B3GLCT: variants seen among roughly 807,000 people sequenced by gnomAD.
The protein encoded by B3GLCT is beta 3-glucosyltransferase.
A neutral mutation model predicts 63.4 loss-of-function variants in B3GLCT; 65 were observed. The observed-to-expected ratio is 1.03, with a 90% CI of 0.84 to 1.26. B3GLCT has a LOEUF of 1.26. B3GLCT is among the 50% of genes most tolerant of loss of function. The pLI is 0.00. For missense variants in B3GLCT, 577 were observed against 604.8 expected, an observed-to-expected ratio of 0.95 and a Z score of 0.48; for synonymous variants, 233 against 219.2, an observed-to-expected ratio of 1.06 and a Z score of -0.55.
rs1002142694 is a variant in B3GLCT at position 31,247,144 on chromosome 13, G to C, written c.347+45G>C. 7 of 1,448,392 alleles carry C rather than the reference G, an allele frequency of 4.8e-6. No individual in the cohort carries two copies. In the African/African-American group the frequency reaches 8.4e-5, roughly 17 times the overall value. 89.7% of individuals were successfully genotyped at this position (1,448,392 alleles called of 1,614,324 possible). ...CTGTGAATTACTGACATTCCTACCT[G>C]AACACTTTTACGCCCTTAGTCTTTT... On this transcript the variant is annotated intron_variant, in intron 5 of 14. Transcript: ENST00000343307.
At chr13:31,287,020 C>A (rs1215136073) in intron 12 of B3GLCT, among the ~76,000 whole-genome samples, 1 of 152,058 alleles carries the variant, frequency 6.6e-6, no homozygotes, top group Non-Finnish European at 1.5e-5. Flanking sequence ...GGAAAATGAT[C>A]CAAAAGAAAC....
Position 31,284,754 on chromosome 13 carries a change from A to T in B3GLCT, c.957A>T (p.Thr319=), listed in dbSNP as rs1873238497. Residue 319 remains threonine (T), a synonymous_variant, in exon 11 of 15, where the codon ACA becomes ACT. Coordinates refer to ENST00000343307, the MANE Select transcript of B3GLCT (RefSeq NM_194318.4). ...CTGTGGATTTGGGAATTCCTAATACAGATAGAGGTGAGTCATAATTCTTAC... is the reference window on the plus strand; with the variant it reads ...CTGTGGATTTGGGAATTCCTAATACTGATAGAGGTGAGTCATAATTCTTAC... ...IPTVDLGIPN[T]DRGHCGKTFA... The T allele has an allele frequency of 2.7e-6, 4 of 1,505,662 alleles. No individual in the cohort carries two copies. Among genetic ancestry groups the T allele is most frequent in the Non-Finnish European group, 3.7e-6 (4 of 1,081,230 alleles). 93.3% of individuals were successfully genotyped at this position (1,505,662 alleles called of 1,614,324 possible).
Position 31,214,448 on chromosome 13 carries a change from C to T in B3GLCT, c.71-603C>T, listed in dbSNP as rs118044525. Among the ~76,000 whole-genome samples, 403 of 152,322 alleles carry T rather than the reference C, an allele frequency of 2.6e-3. 1 individual carries two copies. The highest frequency in any genetic ancestry group is 3.6e-3 in the Non-Finnish European group (248 of 68,036). ...CGTCTGTGATGGCTCTGACTCCAAACATTCATTCATTCTAAATGGAGAATG... is the reference window on the plus strand; with the variant it reads ...CGTCTGTGATGGCTCTGACTCCAAATATTCATTCATTCTAAATGGAGAATG... On this transcript the variant is annotated intron_variant, in intron 1 of 14. Transcript: ENST00000343307.
At position 31,263,600 on chromosome 13, in the gene B3GLCT, G is replaced by A. The variant is rs562384871; in HGVS notation, c.596+2518G>A. ...TGCTCACCACATGACTAGCTTCCAG[G>A]GGTTCATGAACCAGGGTTGCAGGTT... On this transcript the variant is annotated intron_variant, in intron 7 of 14. Transcript: ENST00000343307. 1.4e-4 allele frequency among the ~76,000 whole-genome samples: 21 copies of A among 152,260 alleles called. 1 individual carries two copies. Among genetic ancestry groups the A allele is most frequent in the Middle Eastern group, 6.8e-3 (2 of 294 alleles).
At chr13:31,308,362 A>AAAAAAAAAAAAAAAAAC (rs61561180) in intron 12 of B3GLCT, among the ~76,000 whole-genome samples, 2 of 61,878 alleles carry the variant, frequency 3.2e-5, no homozygotes, top group Admixed American at 2.1e-4. Context: ...AAAAAAAAAC[A>AAAAAAAAAAAAAAAAAC]AAAAAAAAAG....
At chr13:31,283,340 C>T (rs1197040393) in intron 10 of B3GLCT, 1 of 152,222 alleles carries the variant, frequency 6.6e-6, no homozygotes, top group Non-Finnish European at 1.5e-5. Context: ...GCAAAGCAAA[C>T]TGCCACAGCA....
chr13:31,314,713 G>A (rs965175550), intron 12 of B3GLCT, among the ~76,000 whole-genome samples: 1 of 152,158 alleles, frequency 6.6e-6, no homozygotes, highest in Non-Finnish European at 1.5e-5. Flanking sequence ...AGACTTTTGG[G>A]GACTGTTGGG....
chr13:31,273,771 A>G (rs1301619356), intron 8 of B3GLCT, among the ~76,000 whole-genome samples: 1 of 152,124 alleles, frequency 6.6e-6, no homozygotes, highest in African/African-American at 2.4e-5. Flanking sequence ...TATCAGTTTG[A>G]GATGTTTTGG....
At chr13:31,316,139 C>G (rs1252872258) in intron 12 of B3GLCT, among the ~76,000 whole-genome samples, 1 of 151,944 alleles carries the variant, frequency 6.6e-6, no homozygotes, top group Non-Finnish European at 1.5e-5. Context: ...GGGGTTGGAG[C>G]CCCCACACAG....
At chr13:31,320,817 C>T (rs146988484) in intron 13 of B3GLCT, among the ~76,000 whole-genome samples, 1 of 152,312 alleles carries the variant, frequency 6.6e-6, no homozygotes, top group African/African-American at 2.4e-5. Context: ...CAAGATACGA[C>T]ATTCGCTGGT....
intron 12 of B3GLCT, among the ~76,000 whole-genome samples, chr13:31,289,117 T>C (rs1338726248): frequency 6.6e-6 from 1 of 151,884 alleles, no homozygotes; most frequent in Non-Finnish European, 1.5e-5. Flanking sequence ...ATTTGAAAGC[T>C]TTGGTAATAG....
chr13:31,323,955 A>C lies in B3GLCT; in HGVS notation c.1329+60A>C. The C allele has an allele frequency of 2.5e-6, 4 of 1,591,642 alleles. No individual in the cohort carries two copies. In the South Asian group the frequency reaches 4.4e-5, roughly 18 times the overall value. The stretch of plus-strand genomic sequence containing the variant: ...GGTGAGGGACAGATTCTTCTCACTT[A>C]AGGATTTGACTTCTTTCTCTTCACA... On this transcript the variant is annotated intron_variant, in intron 14 of 14. Coordinates refer to ENST00000343307, the MANE Select transcript of B3GLCT (RefSeq NM_194318.4).
Position 31,316,407 on chromosome 13 carries a change from TTATA to T in B3GLCT, c.1065-1138_1065-1135del, listed in dbSNP as rs71099949. ...TGGAATCAAGGAGATTTTGGAGGTT[TTATA>T]TATATATATATATATATATAAATTT... is the stretch of plus-strand genomic sequence containing the variant. On this transcript the variant is annotated intron_variant, in intron 12 of 14. Coordinates refer to ENST00000343307, the MANE Select transcript of B3GLCT (RefSeq NM_194318.4). 1.1e-3 allele frequency among the ~76,000 whole-genome samples: 45 copies of T among 40,870 alleles called. 7 individuals are homozygous for T. The highest frequency in any genetic ancestry group is 0.048 in the Middle Eastern group (2 of 42). 26.8% of individuals were successfully genotyped at this position (40,870 alleles called of 152,430 possible).
At chr13:31,246,675 T>G (rs973155142) in intron 4 of B3GLCT, among the ~76,000 whole-genome samples, 1 of 152,328 alleles carries the variant, frequency 6.6e-6, no homozygotes, top group African/African-American at 2.4e-5. Context: ...CCCTGACTAC[T>G]TCCCCCAGGC....
chr13:31,224,082 C>T (rs1258518764), intron 3 of B3GLCT, among the ~76,000 whole-genome samples: 1 of 152,146 alleles, frequency 6.6e-6, no homozygotes, highest in African/African-American at 2.4e-5. Flanking sequence ...GGAGAGACCC[C>T]CGCCCCCGGG....
At chr13:31,253,081 TG>T (rs1349268958) in intron 6 of B3GLCT, among the ~76,000 whole-genome samples, 1 of 152,150 alleles carries the variant, frequency 6.6e-6, no homozygotes, top group Non-Finnish European at 1.5e-5. Flanking sequence ...CACAACTATG[TG>T]GAAACTGAAC....
intron 4 of B3GLCT, among the ~76,000 whole-genome samples, chr13:31,244,384 C>T (rs778061033): frequency 2.6e-5 from 4 of 152,010 alleles, no homozygotes; most frequent in South Asian, 2.1e-4. Context: ...CCCAGCTACT[C>T]GGGAGGCTGA....
intron 7 of B3GLCT, among the ~76,000 whole-genome samples, chr13:31,266,220 G>A (rs558881344): frequency 8.6e-5 from 13 of 152,030 alleles, no homozygotes; most frequent in East Asian, 5.8e-4. Context: ...GGATGGCCTC[G>A]ATCTCCTGAC....
intron 7 of B3GLCT, among the ~76,000 whole-genome samples, chr13:31,267,260 A>T (rs1235613633): frequency 6.6e-6 from 1 of 152,256 alleles, no homozygotes; most frequent in Non-Finnish European, 1.5e-5. Flanking sequence ...TGGAGGTCAC[A>T]TGCCTCTTGT....
Sources: allele counts gnomAD v4.1 joint callset (sites outside exome capture counted in the v4.1 genomes callset), GRCh38; gene constraint gnomAD v4.1.1; transcripts MANE v1.5; gene names NCBI Gene and HGNC (gene_info 2026-07-23, HGNC 2026-07-21).